Variants in ULK4 observed in about 807,000 individuals in gnomAD.
ULK4 encodes the protein inactive serine/threonine-protein kinase ULK4.
A neutral mutation model predicts 160.6 loss-of-function variants in ULK4; 133 were observed. The ratio of observed to expected loss-of-function variants is 0.83; its 90% CI spans 0.72 to 0.96. The LOEUF is 0.96. Ranked by LOEUF, ULK4 falls within the 40% of genes least tolerant of loss-of-function variation. ULK4 has a pLI of 0.00. For synonymous variants in ULK4, 534 were observed against 539.8 expected, an observed-to-expected ratio of 0.99 and a Z score of 0.15; for missense variants, 1,580 against 1,499.5, an observed-to-expected ratio of 1.05 and a Z score of -0.89.
chr3:41,961,550 ACCCCCCCCCCCCCC>A lies in ULK4; in HGVS notation c.-49+452_-49+465del, dbSNP rs201424516. Among the ~76,000 whole-genome samples the A allele has an allele frequency of 1.4e-3, 174 of 124,734 alleles. 6 individuals carry two copies. The highest frequency in any genetic ancestry group is 7.1e-3 in the African/African-American group (168 of 23,504). The allele number at this position is 124,734 out of a possible 152,430, so 81.8% of individuals were successfully genotyped here. On this transcript the variant is annotated intron_variant, in intron 1 of 36. Transcript: ENST00000301831. ...ACTCAGGGGCGCTACGTAGTCACTC[ACCCCCCCCCCCCCC>A]CCCCCCGCTCCCCAGGCAACTCGCG...
chr3:41,546,007 C>CT (rs1443427477), intron 32 of ULK4, among the ~76,000 whole-genome samples: 3 of 152,086 alleles, frequency 2.0e-5, no homozygotes, highest in Non-Finnish European at 4.4e-5. Context: ...ATAATCTTTA[C>CT]TTTTTGGCTT....
intron 35 of ULK4, among the ~76,000 whole-genome samples, chr3:41,378,345 G>T (rs1171116554): frequency 6.6e-6 from 1 of 151,286 alleles, no homozygotes; most frequent in African/African-American, 2.4e-5. Flanking sequence ...TGCACAATGT[G>T]CACATGTACC....
At chr3:41,898,795 A>G (rs546994646) in intron 13 of ULK4, among the ~76,000 whole-genome samples, 6 of 152,374 alleles carry the variant, frequency 3.9e-5, no homozygotes, top group African/African-American at 1.2e-4. Flanking sequence ...CATTCAACAA[A>G]TATCTATTGG....
intron 21 of ULK4, among the ~76,000 whole-genome samples, chr3:41,775,455 G>C (rs2039575604): frequency 6.8e-6 from 1 of 147,822 alleles, no homozygotes; most frequent in African/African-American, 2.6e-5. Context: ...CTGGAGTGCA[G>C]TGGTGCAATC....
At chr3:41,771,019 G>A (rs1296453415) in intron 21 of ULK4, among the ~76,000 whole-genome samples, 1 of 152,146 alleles carries the variant, frequency 6.6e-6, no homozygotes, top group Non-Finnish European at 1.5e-5. Flanking sequence ...CAAGAAGTTT[G>A]TAAATATTAA....
chr3:41,935,914 G>C lies in ULK4; in HGVS notation c.265C>G (p.Gln89Glu). Reference sequence around the variant, plus strand: ...ACATCTTCTGGGAGGTTTTCATCTTGAGCAATAACTGTTTTTAAGGAACCA... The same window carrying C: ...ACATCTTCTGGGAGGTTTTCATCTTCAGCAATAACTGTTTTTAAGGAACCA... ...TGGSLKTVIA[Q>E]DENLPEDVVR... Residue 89 changes from glutamine (Q) to glutamate (E), a missense_variant, in exon 4 of 37, where the codon CAA (glutamine) becomes GAA (glutamate). Transcript: ENST00000301831. 1.9e-6 allele frequency: 3 copies of C among 1,613,628 alleles called. No individual in the cohort carries two copies. Among genetic ancestry groups the C allele is most frequent in the Non-Finnish European group, 1.7e-6 (2 of 1,179,890 alleles).
chr3:41,876,890 T>A (rs1048990043), intron 17 of ULK4, among the ~76,000 whole-genome samples: 3 of 152,126 alleles, frequency 2.0e-5, no homozygotes, highest in African/African-American at 7.2e-5. Context: ...CACAAGAGGA[T>A]CCCCGGGTAT....
chr3:41,938,058 AATACT>A (rs1293479900), intron 3 of ULK4, 35 bp downstream of exon 3: 1 of 1,429,778 alleles, frequency 7.0e-7, no homozygotes, highest in Admixed American at 2.2e-5. Flanking sequence ...GTTTTTTTTC[AATACT>A]ATATTCATAG....
At chr3:41,823,550 C>T (rs149841979) in intron 18 of ULK4, among the ~76,000 whole-genome samples, 12 of 152,316 alleles carry the variant, frequency 7.9e-5, no homozygotes, top group African/African-American at 2.4e-4. Context: ...TCTGCAGAAT[C>T]ACACTCTGGT....
At chr3:41,798,219 A>T (rs2040358165) in intron 20 of ULK4, among the ~76,000 whole-genome samples, 1 of 152,196 alleles carries the variant, frequency 6.6e-6, no homozygotes, top group Non-Finnish European at 1.5e-5. Context: ...ATAAGGATGA[A>T]AATCTGTATA....
intron 17 of ULK4, among the ~76,000 whole-genome samples, chr3:41,870,490 C>T (rs1239690008): frequency 2.0e-5 from 3 of 152,122 alleles, no homozygotes; most frequent in Non-Finnish European, 4.4e-5. Context: ...CTGACTGTGA[C>T]GTCCATCCAA....
intron 32 of ULK4, among the ~76,000 whole-genome samples, chr3:41,477,847 T>C (rs1320849006): frequency 6.6e-6 from 1 of 152,228 alleles, no homozygotes; most frequent in Admixed American, 6.5e-5. Flanking sequence ...CATGACAATG[T>C]GACCAAACAT....
At chr3:41,445,957 A>C (rs1366159378) in intron 34 of ULK4, among the ~76,000 whole-genome samples, 1 of 151,888 alleles carries the variant, frequency 6.6e-6, no homozygotes, top group African/African-American at 2.4e-5. Context: ...ATGGGAGAAA[A>C]TTTTCGCAAC....
intron 32 of ULK4, among the ~76,000 whole-genome samples, chr3:41,549,317 A>C (rs1333615622): frequency 1.3e-5 from 2 of 152,224 alleles, no homozygotes; most frequent in Non-Finnish European, 2.9e-5. Flanking sequence ...TCATGATATC[A>C]ATGAGAATTT....
chr3:41,307,273 G>T (rs2079964830), intron 35 of ULK4, among the ~76,000 whole-genome samples: 1 of 152,124 alleles, frequency 6.6e-6, no homozygotes, highest in Admixed American at 6.6e-5. Flanking sequence ...CCACCCTTGG[G>T]AATCCTCCTC....
chr3:41,764,055 T>A (rs72864527), intron 21 of ULK4, among the ~76,000 whole-genome samples: 2,349 of 152,288 alleles, frequency 0.015, 58 homozygotes, highest in African/African-American at 0.053. Flanking sequence ...TTCAAAGTAT[T>A]CATGGCAAAG....
At chr3:41,307,168 A>G (rs1278052620) in intron 35 of ULK4, among the ~76,000 whole-genome samples, 1 of 138,356 alleles carries the variant, frequency 7.2e-6, no homozygotes, top group East Asian at 1.9e-4. Context: ...TTAAAAAAAA[A>G]AAAAACTGGA....
intron 31 of ULK4, among the ~76,000 whole-genome samples, chr3:41,582,564 T>C (rs1169319848): frequency 6.6e-6 from 1 of 152,208 alleles, no homozygotes; most frequent in African/African-American, 2.4e-5. Flanking sequence ...CCTGGAGCTC[T>C]TCAACTCATC....
intron 31 of ULK4, among the ~76,000 whole-genome samples, chr3:41,609,477 A>G (rs922095224): frequency 1.3e-5 from 2 of 152,154 alleles, no homozygotes; most frequent in African/African-American, 2.4e-5. Flanking sequence ...AACACCTCAC[A>G]TGTACTTTAA....
Sources: allele counts gnomAD v4.1 joint callset (sites outside exome capture counted in the v4.1 genomes callset), GRCh38; gene constraint gnomAD v4.1.1; transcripts MANE v1.5; gene names NCBI Gene and HGNC (gene_info 2026-07-23, HGNC 2026-07-21).